The following TMEM132B variants were observed in gnomAD, a reference collection of about 807,000 sequenced individuals.
TMEM132B encodes transmembrane protein 132B.
A neutral mutation model predicts 90.8 loss-of-function variants in TMEM132B; 18 were observed. That is an observed-to-expected ratio of 0.20 (90% CI 0.14 to 0.29). The LOEUF is 0.29. Ranked by LOEUF, TMEM132B falls within the 10% of genes least tolerant of loss-of-function variation. TMEM132B has a pLI of 1.00. For missense variants in TMEM132B, 1,096 were observed against 1,326.8 expected (o/e 0.83, Z 2.70); for synonymous variants, 504 against 523.3 (o/e 0.96, Z 0.50).
In TMEM132B at chr12:125,660,800, A is replaced by G. The variant is rs751786232; in HGVS notation, c.*6090A>G. ...AATGCTGCTCTTGGTCAGTTGTTCA[A>G]ATGAAACATTGTAATTTCATGTTAA... On this transcript the variant is annotated 3_prime_UTR_variant, in exon 9 of 9. Transcript: ENST00000682704. 3.9e-5 allele frequency: 6 copies of G among 152,204 alleles called. No homozygotes were observed. Among genetic ancestry groups the G allele is most frequent in the Admixed American group, 6.5e-5 (1 of 15,268 alleles). 9.4% of individuals were successfully genotyped at this position (152,204 alleles called of 1,614,324 possible).
At chr12:125,501,826 G>A (rs1882702693) in intron 3 of TMEM132B, among the ~76,000 whole-genome samples, 2 of 152,170 alleles carry the variant, frequency 1.3e-5, no homozygotes, top group Admixed American at 1.3e-4. Context: ...ACTGTATAGG[G>A]CAGAGTGCAG....
chr12:125,361,353 C>A, intron 2 of TMEM132B, among the ~76,000 whole-genome samples: 1 of 152,152 alleles, frequency 6.6e-6, no homozygotes, highest in Admixed American at 6.5e-5. Flanking sequence ...AGGACCCTAA[C>A]CCAGATCGGC....
intron 1 of TMEM132B, among the ~76,000 whole-genome samples, chr12:125,266,243 T>C (rs1469974224): frequency 1.3e-5 from 2 of 151,898 alleles, no homozygotes; most frequent in Non-Finnish European, 2.9e-5. Flanking sequence ...AACCCAAAAT[T>C]AAAAAATTAA....
chr12:125,378,597 T>C (rs326372), intron 2 of TMEM132B, among the ~76,000 whole-genome samples: 94,979 of 152,050 alleles, frequency 0.62, 30,412 homozygotes, highest in East Asian at 0.95. Flanking sequence ...GAAATAGACA[T>C]GCACAGCTGG....
intron 1 of TMEM132B, among the ~76,000 whole-genome samples, chr12:125,203,945 G>T (rs147511212): frequency 6.6e-6 from 1 of 152,240 alleles, no homozygotes; most frequent in Non-Finnish European, 1.5e-5. Flanking sequence ...TATAACAGGG[G>T]ATTGGAATAA....
intron 4 of TMEM132B, among the ~76,000 whole-genome samples, chr12:125,560,830 T>TAAA (rs1884505537): frequency 1.7e-3 from 2 of 1,154 alleles, no homozygotes; most frequent in African/African-American, 9.6e-3. Context: ...AGACTCTGTC[T>TAAA]CAAAAAAAAA....
intron 1 of TMEM132B, among the ~76,000 whole-genome samples, chr12:125,237,535 G>A (rs751582758): frequency 5.3e-5 from 8 of 152,104 alleles, no homozygotes; most frequent in Admixed American, 3.9e-4. Context: ...TGCAACCTCC[G>A]CCTCCTGGGT....
At chr12:125,469,805 G>A (rs1221048659) in intron 3 of TMEM132B, among the ~76,000 whole-genome samples, 2 of 152,200 alleles carry the variant, frequency 1.3e-5, no homozygotes, top group Non-Finnish European at 2.9e-5. Flanking sequence ...TGATTTTCAT[G>A]AGAGGGTTGT....
At chr12:125,519,217 T>G (rs1275558372) in intron 3 of TMEM132B, among the ~76,000 whole-genome samples, 1 of 152,212 alleles carries the variant, frequency 6.6e-6, no homozygotes, top group African/African-American at 2.4e-5. Flanking sequence ...CAGCCTGCTT[T>G]CTGCAACACG....
intron 3 of TMEM132B, among the ~76,000 whole-genome samples, chr12:125,424,969 G>C (rs543551346): frequency 5.3e-5 from 8 of 152,274 alleles, no homozygotes; most frequent in African/African-American, 1.7e-4. Context: ...TATCAGGGGT[G>C]GGAGATTCCC....
chr12:125,320,591 A>G (rs1049437223), intron 1 of TMEM132B, among the ~76,000 whole-genome samples: 3 of 152,042 alleles, frequency 2.0e-5, no homozygotes, highest in Admixed American at 1.3e-4. Flanking sequence ...TCTATGAAGA[A>G]CTCAGGCCTG....
In TMEM132B at chr12:125,530,991, G is replaced by A. The variant is rs535190108; in HGVS notation, c.1293+11366G>A. Reference sequence around the variant, plus strand: ...TTAGATCCGGGGCAGCCCAGTCACTGCACCTTCGCGTGTGCAGTGAGAACT... The same window carrying A: ...TTAGATCCGGGGCAGCCCAGTCACTACACCTTCGCGTGTGCAGTGAGAACT... On this transcript the variant is annotated intron_variant, in intron 4 of 8. Coordinates refer to ENST00000682704, the MANE Select transcript of TMEM132B (RefSeq NM_001366854.1). Among the ~76,000 whole-genome samples, 7 of 152,286 alleles carry A rather than the reference G, an allele frequency of 4.6e-5. No homozygotes were observed. In the South Asian group the frequency reaches 1.5e-3, roughly 32 times the overall value.
intron 1 of TMEM132B, among the ~76,000 whole-genome samples, chr12:125,193,135 G>A (rs1351609930): frequency 3.9e-5 from 6 of 152,208 alleles, no homozygotes; most frequent in African/African-American, 1.4e-4. Flanking sequence ...GCTGCAAAGA[G>A]AAGAATCATG....
intron 5 of TMEM132B, among the ~76,000 whole-genome samples, chr12:125,612,496 TA>T (rs1885857453): frequency 6.9e-6 from 1 of 144,626 alleles, no homozygotes; most frequent in South Asian, 2.2e-4. Flanking sequence ...AAAATAAAAA[TA>T]AAAAAATGAC....
intron 1 of TMEM132B, among the ~76,000 whole-genome samples, chr12:125,236,649 A>G (rs1873942789): frequency 6.6e-6 from 1 of 152,182 alleles, no homozygotes; most frequent in Non-Finnish European, 1.5e-5. Context: ...CCTGGGACAG[A>G]GTCCTGGTTC....
intron 5 of TMEM132B, among the ~76,000 whole-genome samples, chr12:125,616,194 T>C (rs1374444197): frequency 1.3e-5 from 2 of 150,320 alleles, no homozygotes; most frequent in Admixed American, 6.7e-5. Flanking sequence ...CGGTGTTTGG[T>C]TTTTTGTCCT....
chr12:125,368,667 C>T (rs867877194), intron 2 of TMEM132B, among the ~76,000 whole-genome samples: 2 of 152,172 alleles, frequency 1.3e-5, no homozygotes, highest in Non-Finnish European at 2.9e-5. Flanking sequence ...TCAGAGGCTG[C>T]GTATCCTCCA....
chr12:125,584,001 G>A lies in TMEM132B; in HGVS notation c.1437+7G>A. 2.5e-6 allele frequency: 4 copies of A among 1,614,116 alleles called. No homozygotes were observed. Among genetic ancestry groups the A allele is most frequent in the Non-Finnish European group, 3.4e-6 (4 of 1,179,984 alleles). Reference sequence around the variant, plus strand: ...CGATGAAGATGTCATTAAGGTAAGGGGGGATTTATCTACAGCTGTCCTAAG... The same window carrying A: ...CGATGAAGATGTCATTAAGGTAAGGAGGGATTTATCTACAGCTGTCCTAAG... On this transcript the variant is annotated splice_region_variant and intron_variant, in intron 5 of 8. Transcript: ENST00000682704.
chr12:125,485,160 C>T (rs1882168406), intron 3 of TMEM132B, among the ~76,000 whole-genome samples: 1 of 152,178 alleles, frequency 6.6e-6, no homozygotes, highest in Admixed American at 6.5e-5. Flanking sequence ...CCAAAGACTT[C>T]TTTTTTGATT....
Sources: gnomAD v4.1 joint callset for allele counts (sites outside exome capture counted in the v4.1 genomes callset) on GRCh38, gnomAD v4.1.1 for gene constraint, MANE v1.5 for transcripts, NCBI Gene and HGNC (gene_info 2026-07-23, HGNC 2026-07-21) for gene names.